Variants in VWA3A observed in about 807,000 individuals in gnomAD.
The protein encoded by VWA3A is von Willebrand factor A domain-containing protein 3A.
Under a neutral mutation model 160.4 loss-of-function variants are expected in VWA3A, and 134 were observed. The observed-to-expected ratio is 0.84, with a 90% CI of 0.73 to 0.96. The LOEUF is 0.96. VWA3A is among the 40% of genes least tolerant of loss of function. The pLI, the probability that VWA3A is intolerant of heterozygous loss-of-function variation, is 0.00. For synonymous variants in VWA3A, 476 were observed against 543.4 expected (o/e 0.88, Z 1.72); for missense variants, 1,310 against 1,447.9 (o/e 0.90, Z 1.55).
chr16:22,149,758 C>T (rs2046315181), intron 28 of VWA3A, 29 bp from the exon 29 acceptor site: 1 of 1,571,808 alleles, frequency 6.4e-7, no homozygotes, highest in African/African-American at 1.3e-5. Context: ...CCTTCTCTGC[C>T]CCTCACCTCC....
At chr16:22,137,120 T>C (rs1010124523) in intron 21 of VWA3A, among the ~76,000 whole-genome samples, 1 of 151,946 alleles carries the variant, frequency 6.6e-6, no homozygotes, top group African/African-American at 2.4e-5. Flanking sequence ...AATAAATAAA[T>C]ATCCCTTACC....
intron 16 of VWA3A, among the ~76,000 whole-genome samples, chr16:22,125,327 AG>A (rs1490225903): frequency 2.6e-5 from 4 of 152,028 alleles, no homozygotes; most frequent in Admixed American, 2.0e-4. Context: ...TTGAGGCTTC[AG>A]TGAGCCACGA....
chr16:22,131,511 T>G lies in VWA3A; in HGVS notation c.1728-74T>G, dbSNP rs1267420265. The stretch of plus-strand genomic sequence containing the variant: ...CCATCACGTCTGAGATGGAAAAGGC[T>G]CTCAGCTACTCCCAAAAGGTATGCC... On this transcript the variant is annotated intron_variant, in intron 18 of 33. Coordinates refer to ENST00000389398, the MANE Select transcript of VWA3A (RefSeq NM_173615.5). The G allele has an allele frequency of 1.9e-6, 3 of 1,580,422 alleles. No individual in the cohort carries two copies. In the East Asian group the frequency reaches 6.8e-5, roughly 36 times the overall value.
Position 22,097,669 on chromosome 16 carries a change from C to A in VWA3A, c.199C>A (p.His67Asn). The A allele has an allele frequency of 6.4e-7, 1 of 1,551,722 alleles. No individual in the cohort carries two copies. Among genetic ancestry groups the A allele is most frequent in the Non-Finnish European group, 8.7e-7 (1 of 1,146,974 alleles). ...TTCGGACAATGGATTATTGGTTACACATGTTAACCAGACACAGGACTTACT... is the reference window on the plus strand; with the variant it reads ...TTCGGACAATGGATTATTGGTTACAAATGTTAACCAGACACAGGACTTACT... ...QNSDNGLLVTHVNQTQDLLRL... is the reference protein window; with the variant it reads ...QNSDNGLLVTNVNQTQDLLRL... Residue 67 changes from histidine (H) to asparagine (N), a missense_variant, in exon 3 of 34, where the codon CAT becomes AAT. Coordinates refer to ENST00000389398, the MANE Select transcript of VWA3A (RefSeq NM_173615.5).
intron 16 of VWA3A, among the ~76,000 whole-genome samples, chr16:22,124,565 A>ATTG (rs2045808594): frequency 6.8e-6 from 1 of 147,660 alleles, no homozygotes; most frequent in African/African-American, 2.5e-5. Flanking sequence ...TATTATTATT[A>ATTG]TTATTATTAT....
intron 9 of VWA3A, among the ~76,000 whole-genome samples, chr16:22,115,836 A>G (rs949351581): frequency 6.7e-3 from 10 of 1,500 alleles, no homozygotes; most frequent in Middle Eastern, 0.1. Context: ...GACCCAGGGA[A>G]GGAAGGAAGG....
At chr16:22,107,344 C>T (rs1158236816) in intron 6 of VWA3A, among the ~76,000 whole-genome samples, 2 of 152,190 alleles carry the variant, frequency 1.3e-5, no homozygotes, top group Non-Finnish European at 2.9e-5. Flanking sequence ...ATGCACAGGA[C>T]AGCTCCCTAC....
intron 17 of VWA3A, among the ~76,000 whole-genome samples, chr16:22,127,985 G>A (rs532666813): frequency 2.6e-5 from 4 of 152,234 alleles, no homozygotes; most frequent in Non-Finnish European, 5.9e-5. Flanking sequence ...GTAGATGTTT[G>A]CCTAGCACCT....
chr16:22,152,431 G>A (rs2046365522), intron 30 of VWA3A, 80 bp from the exon 31 acceptor site: 3 of 1,557,796 alleles, frequency 1.9e-6, no homozygotes, highest in Non-Finnish European at 2.6e-6. Context: ...ACGGACTTAA[G>A]TTCCCCATGG....
chr16:22,141,437 G>T, intron 23 of VWA3A, 145 bp from the exon 24 acceptor site: 1 of 699,574 alleles, frequency 1.4e-6, no homozygotes, highest in Non-Finnish European at 2.5e-6. Context: ...TGGCGGGGGA[G>T]GACACAGGGT....
At position 22,109,500 on chromosome 16, in the gene VWA3A, G is replaced by A. The variant is rs771519263; in HGVS notation, c.502G>A (p.Gly168Arg). Residue 168 changes from glycine to arginine, a missense_variant, in exon 7 of 34, where the codon GGG becomes AGG. Gly to Arg is a moderately radical substitution (Grantham distance 125, BLOSUM62 -2). Transcript: ENST00000389398. ...NSKKAFGLIK[G>R]ARVSILIDVS... The stretch of plus-strand genomic sequence containing the variant: ...GTTTTAGGCATTTGGCCTCATCAAA[G>A]GGGCCAGAGTCAGCATCCTCATAGA... The A allele has an allele frequency of 2.5e-6, 4 of 1,608,002 alleles. No homozygotes were observed. Among genetic ancestry groups the A allele is most frequent in the Admixed American group, 3.4e-5 (2 of 59,184 alleles).
At chr16:22,107,189 C>T (rs996450713) in intron 6 of VWA3A, among the ~76,000 whole-genome samples, 3 of 152,184 alleles carry the variant, frequency 2.0e-5, no homozygotes, top group African/African-American at 7.2e-5. Flanking sequence ...GATCAAAGAA[C>T]AGTGGTTCTC....
intron 21 of VWA3A, among the ~76,000 whole-genome samples, chr16:22,136,874 TACACACACAC>T (rs747914882): frequency 7.4e-6 from 1 of 134,494 alleles, no homozygotes; most frequent in South Asian, 2.4e-4. Flanking sequence ...CTACTAAAAA[TACACACACAC>T]ACACACACAC....
rs1164869842 is a variant in VWA3A at position 22,098,516 on chromosome 16, ATTC to A, written c.225+824_225+826del. 3.3e-5 allele frequency among the ~76,000 whole-genome samples: 5 copies of A among 152,260 alleles called. No homozygotes were observed. The East Asian group carries it at 9.6e-4, about 29-fold the overall frequency. On this transcript the variant is annotated intron_variant, in intron 3 of 33. Transcript: ENST00000389398. ...TGACTTCCCAGGTGTAGACAGGATC[ATTC>A]TTATATTTATCAGCCACAGCTGGGG...
chr16:22,152,722 G>A (rs2046372256), intron 31 of VWA3A, 88 bp downstream of exon 31: 2 of 1,517,976 alleles, frequency 1.3e-6, no homozygotes, highest in Non-Finnish European at 1.8e-6. Flanking sequence ...TTGAACTCCT[G>A]GGCTCAAGTG....
At chr16:22,155,027 G>A (rs980888282) in intron 31 of VWA3A, among the ~76,000 whole-genome samples, 2 of 140,760 alleles carry the variant, frequency 1.4e-5, no homozygotes, top group African/African-American at 5.2e-5. Flanking sequence ...GGTGGCACAT[G>A]CCTGTGGTCC....
chr16:22,095,814 G>A (rs2045311411), intron 1 of VWA3A, among the ~76,000 whole-genome samples: 1 of 152,106 alleles, frequency 6.6e-6, no homozygotes, highest in Non-Finnish European at 1.5e-5. Context: ...TCCTGCCTCA[G>A]CCTGCCTCCC....
chr16:22,122,219 G>C (rs569816105), intron 14 of VWA3A, among the ~76,000 whole-genome samples: 1 of 142,108 alleles, frequency 7.0e-6, no homozygotes, highest in African/African-American at 2.6e-5. Flanking sequence ...ATGGATGGGT[G>C]GGGGGGTGGG....
chr16:22,137,119 A>C (rs894004904), intron 21 of VWA3A, among the ~76,000 whole-genome samples: 1 of 152,010 alleles, frequency 6.6e-6, no homozygotes, highest in Non-Finnish European at 1.5e-5. Context: ...AAATAAATAA[A>C]TATCCCTTAC....
Sources: allele counts gnomAD v4.1 joint callset (sites outside exome capture counted in the v4.1 genomes callset), GRCh38; gene constraint gnomAD v4.1.1; transcripts MANE v1.5; gene names NCBI Gene and HGNC (gene_info 2026-07-23, HGNC 2026-07-21).